Variants in ASIC2 observed in about 807,000 individuals in gnomAD.
ASIC2 encodes the protein acid-sensing ion channel 2.
In ASIC2, 25 loss-of-function variants were observed where a neutral mutation model predicts 57.3. The ratio of observed to expected loss-of-function variants is 0.44; its 90% CI spans 0.32 to 0.61. The LOEUF is 0.61. ASIC2 is among the 20% of genes least tolerant of loss of function. ASIC2 has a pLI of 0.06. For synonymous variants in ASIC2, 319 were observed against 307.5 expected, an observed-to-expected ratio of 1.04 and a Z score of -0.39; for missense variants, 641 against 738.1, an observed-to-expected ratio of 0.87 and a Z score of 1.52.
At chr17:33,720,572 G>A (rs573650294) in intron 1 of ASIC2, among the ~76,000 whole-genome samples, 1 of 152,244 alleles carries the variant, frequency 6.6e-6, no homozygotes, top group South Asian at 2.1e-4. Context: ...GAGGAATGGG[G>A]CATACCACAA....
At chr17:33,208,513 G>A (rs1334470088) in intron 1 of ASIC2, among the ~76,000 whole-genome samples, 1 of 152,046 alleles carries the variant, frequency 6.6e-6, no homozygotes. Context: ...TTCCCTCAGA[G>A]CTTTGCTTGG....
rs537726763 is a variant in ASIC2, at chr17:33,832,703, T to C, written c.555+323275A>G. Among the ~76,000 whole-genome samples the C allele has an allele frequency of 3.9e-5, 6 of 152,350 alleles. No individual in the cohort carries two copies. In the East Asian group the frequency reaches 5.8e-4, roughly 15 times the overall value. Reference sequence around the variant, plus strand: ...GATTAGAAAATATCTAAAGTTAAAGTTAAGTATGTTTTTGCCACAGGATCC... The same window carrying C: ...GATTAGAAAATATCTAAAGTTAAAGCTAAGTATGTTTTTGCCACAGGATCC... On this transcript the variant is annotated intron_variant, in intron 1 of 9. Coordinates refer to the ASIC2 transcript ENST00000359872.
At chr17:33,306,240 C>G (rs762788823) in intron 1 of ASIC2, among the ~76,000 whole-genome samples, 3 of 152,200 alleles carry the variant, frequency 2.0e-5, no homozygotes, top group Non-Finnish European at 4.4e-5. Flanking sequence ...TTGGAATTCT[C>G]AGGCGGTAAG....
chr17:34,145,829 CT>C (rs1213079606), intron 1 of ASIC2, among the ~76,000 whole-genome samples: 1 of 152,216 alleles, frequency 6.6e-6, no homozygotes, highest in Non-Finnish European at 1.5e-5. Context: ...CTCTCACTGC[CT>C]TCTACTTTAT....
chr17:33,467,375 G>A (rs1047646115), intron 1 of ASIC2, among the ~76,000 whole-genome samples: 9 of 152,206 alleles, frequency 5.9e-5, no homozygotes, highest in African/African-American at 1.9e-4. Context: ...GGTAGGTTAT[G>A]TAAACCAAAA....
At chr17:33,237,215 G>A (rs974366361) in intron 1 of ASIC2, among the ~76,000 whole-genome samples, 40 of 152,310 alleles carry the variant, frequency 2.6e-4, no homozygotes, top group African/African-American at 8.4e-4. Flanking sequence ...AAAGTCCCAA[G>A]TGGATGTTAG....
chr17:33,426,932 G>C (rs1402412041), intron 1 of ASIC2, among the ~76,000 whole-genome samples: 2 of 152,242 alleles, frequency 1.3e-5, no homozygotes, highest in East Asian at 3.8e-4. Context: ...GCGACTTATA[G>C]CTGATACCTG....
chr17:33,973,869 G>A (rs1429649220), intron 1 of ASIC2, among the ~76,000 whole-genome samples: 3 of 152,124 alleles, frequency 2.0e-5, no homozygotes, highest in Non-Finnish European at 4.4e-5. Flanking sequence ...TGGTTGCCCT[G>A]GGCCTCAGGG....
chr17:33,789,723 A>G (rs1370109817), intron 1 of ASIC2, among the ~76,000 whole-genome samples: 1 of 152,024 alleles, frequency 6.6e-6, no homozygotes, highest in East Asian at 1.9e-4. Context: ...CATCTGGCTA[A>G]GGTTGTGTTT....
chr17:33,920,149 C>T (rs370389367), intron 1 of ASIC2, among the ~76,000 whole-genome samples: 78 of 152,232 alleles, frequency 5.1e-4, no homozygotes, highest in Non-Finnish European at 9.3e-4. Context: ...CCAGCAATTT[C>T]GTTACTGGGT....
chr17:33,069,978 T>A (rs982126799), intron 3 of ASIC2, among the ~76,000 whole-genome samples: 2 of 152,188 alleles, frequency 1.3e-5, no homozygotes, highest in Non-Finnish European at 1.5e-5. Context: ...GGACTAAAAT[T>A]GGACATTTTT....
At chr17:34,049,541 T>C (rs1165722993) in intron 1 of ASIC2, among the ~76,000 whole-genome samples, 1 of 152,110 alleles carries the variant, frequency 6.6e-6, no homozygotes, top group Admixed American at 6.6e-5. Context: ...AACTCCTCCA[T>C]GATCAAGCCC....
chr17:33,511,651 T>C (rs1367274342), intron 1 of ASIC2, among the ~76,000 whole-genome samples: 1 of 152,216 alleles, frequency 6.6e-6, no homozygotes, highest in Non-Finnish European at 1.5e-5. Context: ...TGGCCTGGAC[T>C]CCTGCCATAG....
chr17:33,959,480 T>G (rs1904851680), intron 1 of ASIC2, among the ~76,000 whole-genome samples: 1 of 152,242 alleles, frequency 6.6e-6, no homozygotes, highest in Non-Finnish European at 1.5e-5. Flanking sequence ...GAAGCCAGTC[T>G]GAGTTCCAAA....
At chr17:34,139,256 G>C (rs897289665) in intron 1 of ASIC2, among the ~76,000 whole-genome samples, 1 of 152,192 alleles carries the variant, frequency 6.6e-6, no homozygotes, top group Non-Finnish European at 1.5e-5. Flanking sequence ...GAAATTCTCA[G>C]TTTGGACCTG....
chr17:33,123,092 A>G (rs2092309455), intron 1 of ASIC2, among the ~76,000 whole-genome samples: 1 of 152,234 alleles, frequency 6.6e-6, no homozygotes, highest in South Asian at 2.1e-4. Flanking sequence ...CATGTCCTCA[A>G]AAAACCAAAA....
At chr17:33,165,478 C>CGT (rs150670889) in intron 1 of ASIC2, among the ~76,000 whole-genome samples, 9 of 150,806 alleles carry the variant, frequency 6.0e-5, no homozygotes, top group South Asian at 2.1e-4. Context: ...TGCGTGCATG[C>CGT]GTGTGTGTGT....
chr17:33,886,495 A>G (rs1914832076), intron 1 of ASIC2, among the ~76,000 whole-genome samples: 1 of 152,182 alleles, frequency 6.6e-6, no homozygotes, highest in Admixed American at 6.5e-5. Context: ...CTGACATGCA[A>G]TCCTCATTCA....
chr17:33,928,157 T>C (rs1364458342), intron 1 of ASIC2, among the ~76,000 whole-genome samples: 1 of 152,214 alleles, frequency 6.6e-6, no homozygotes, highest in East Asian at 1.9e-4. Flanking sequence ...AATTATTGCA[T>C]TTCTGAGACA....
Sources: gnomAD v4.1 joint callset for allele counts (sites outside exome capture counted in the v4.1 genomes callset) on GRCh38, gnomAD v4.1.1 for gene constraint, MANE v1.5 for transcripts, NCBI Gene and HGNC (gene_info 2026-07-23, HGNC 2026-07-21) for gene names.